The following ENOX2 variants were observed in gnomAD, a reference collection of about 807,000 sequenced individuals.
The protein encoded by ENOX2 is ecto-NOX disulfide-thiol exchanger 2.
ENOX2 carries 36 observed loss-of-function variants against 45.0 expected under a neutral mutation model. The observed-to-expected ratio is 0.80, with a 90% confidence interval of 0.61 to 1.06. The LOEUF is 1.06. Among genes scored for constraint, ENOX2 ranks in the 50% least tolerant of loss-of-function variants. The pLI, the probability that ENOX2 is intolerant of heterozygous loss-of-function variation, is 0.00. For synonymous variants in ENOX2, 174 were observed against 152.3 expected (o/e 1.14, Z -1.05); for missense variants, 423 against 462.5 (o/e 0.91, Z 0.78).
rs755894800 is a variant in ENOX2 at position 130,665,663 on chromosome X, C to T, written c.994G>A (p.Val332Met). The T allele has an allele frequency of 1.0e-5, 12 of 1,199,573 alleles. No individual in the cohort carries two copies. The highest frequency in any genetic ancestry group is 9.0e-5 in the South Asian group (5 of 55,307). ...CCAACCTCAGCTTGTTTGCACCACA[C>T]GCTGATGTTCTTCCGCTGGGCTTTT... ...FTKAQRKNIS[V>M]WCKQAEEIRN... The change falls in exon 9 of 15, where the codon GTG becomes ATG. Residue 332 changes from valine to methionine, a missense_variant. By Grantham distance (21) the Val-to-Met change is conservative. Coordinates refer to ENST00000394363, the MANE Select transcript of ENOX2 (RefSeq NM_006375.4).
At chrX:130,864,742 G>A (rs960165414) in intron 2 of ENOX2, among the ~76,000 whole-genome samples, 9 of 112,157 alleles carry the variant, frequency 8.0e-5, no homozygotes, top group Non-Finnish European at 1.1e-4. Flanking sequence ...GGCTGGGCAT[G>A]GTAGCTCACA....
At chrX:130,632,819 G>C (rs1464127139) in intron 12 of ENOX2, among the ~76,000 whole-genome samples, 1 of 111,870 alleles carries the variant, frequency 8.9e-6, no homozygotes, top group Non-Finnish European at 1.9e-5. Context: ...CTCAATCTTT[G>C]GCCTTTAGAA....
chrX:130,656,047 T>C (rs779629687), intron 10 of ENOX2, among the ~76,000 whole-genome samples: 33 of 112,206 alleles, frequency 2.9e-4, no homozygotes, highest in East Asian at 2.0e-3. Context: ...AACTCAGGTG[T>C]TTCAACTTTA....
chrX:130,837,012 A>G (rs1349365965), intron 2 of ENOX2, among the ~76,000 whole-genome samples: 3 of 111,907 alleles, frequency 2.7e-5, no homozygotes, highest in Non-Finnish European at 5.6e-5. Context: ...GAATGAATAG[A>G]TAACTGACAT....
At chrX:130,837,777 C>A (rs1312190297) in intron 2 of ENOX2, among the ~76,000 whole-genome samples, 1 of 111,594 alleles carries the variant, frequency 9.0e-6, no homozygotes, top group Non-Finnish European at 1.9e-5. Context: ...CATAGGATTG[C>A]AATTAAACAA....
intron 5 of ENOX2, among the ~76,000 whole-genome samples, chrX:130,683,631 A>G (rs2037370751): frequency 9.0e-6 from 1 of 111,284 alleles, no homozygotes; most frequent in South Asian, 3.9e-4. Flanking sequence ...TCTCCATAGA[A>G]GGTCTAATCG....
At chrX:130,850,873 C>A (rs2078193791) in intron 2 of ENOX2, among the ~76,000 whole-genome samples, 3 of 105,527 alleles carry the variant, frequency 2.8e-5, no homozygotes, top group African/African-American at 9.8e-5. Context: ...TTTCCTTTTT[C>A]CCCCCAAACT....
intron 10 of ENOX2, among the ~76,000 whole-genome samples, chrX:130,649,953 A>G (rs2036356192): frequency 8.9e-6 from 1 of 112,628 alleles, no homozygotes; most frequent in South Asian, 3.7e-4. Context: ...CAGCATCTTG[A>G]GCTGGAGTTT....
intron 2 of ENOX2, among the ~76,000 whole-genome samples, chrX:130,870,841 C>A (rs776734468): frequency 4.9e-5 from 5 of 102,300 alleles, no homozygotes; most frequent in Admixed American, 3.3e-4. Context: ...ATTGGGCTTG[C>A]CAGGTATAGA....
chrX:130,732,956 G>T (rs1003298035), intron 3 of ENOX2, among the ~76,000 whole-genome samples: 1 of 111,769 alleles, frequency 8.9e-6, no homozygotes, highest in Non-Finnish European at 1.9e-5. Flanking sequence ...CTTGACATTC[G>T]ACTAGGCAAT....
chrX:130,822,435 TAC>T (rs1463290370), intron 2 of ENOX2, among the ~76,000 whole-genome samples: 1 of 112,263 alleles, frequency 8.9e-6, no homozygotes, highest in East Asian at 2.8e-4. Context: ...TCACTTTCAA[TAC>T]AGTGTTCAAT....
At chrX:130,873,442 G>A (rs907893554) in intron 2 of ENOX2, among the ~76,000 whole-genome samples, 2 of 111,944 alleles carry the variant, frequency 1.8e-5, no homozygotes, top group Non-Finnish European at 3.8e-5. Flanking sequence ...TTACACTGCT[G>A]GTGGGAGTGT....
intron 3 of ENOX2, among the ~76,000 whole-genome samples, chrX:130,758,070 G>A (rs747594500): frequency 1.8e-5 from 2 of 111,869 alleles, no homozygotes; most frequent in East Asian, 5.6e-4. Context: ...CAAAGTGCTG[G>A]GATTATAGGC....
intron 2 of ENOX2, among the ~76,000 whole-genome samples, chrX:130,842,436 C>T (rs966953807): frequency 9.0e-6 from 1 of 111,694 alleles, no homozygotes; most frequent in African/African-American, 3.3e-5. Context: ...CCCTATCCAT[C>T]CTTAAACGAA....
chrX:130,711,436 C>T (rs1358620768), intron 3 of ENOX2, among the ~76,000 whole-genome samples: 2 of 110,392 alleles, frequency 1.8e-5, no homozygotes, highest in Non-Finnish European at 3.8e-5. Flanking sequence ...TTTTGTAATA[C>T]AAGGCTCCCA....
Position 130,774,916 on chromosome X carries a change from A to C in ENOX2, c.-39+8631T>G, listed in dbSNP as rs763063312. 8.0e-5 allele frequency among the ~76,000 whole-genome samples: 9 copies of C among 112,316 alleles called. 1 individual carries two copies. In the South Asian group the frequency reaches 2.9e-3, roughly 37 times the overall value. Reference sequence around the variant, plus strand: ...AAATCCTAAGGAAAAGACTTTGAAAAATCAAAATCATGCTAATCTTAAACA... The same window carrying C: ...AAATCCTAAGGAAAAGACTTTGAAACATCAAAATCATGCTAATCTTAAACA... On this transcript the variant is annotated intron_variant, in intron 3 of 14. Coordinates refer to ENST00000394363, the MANE Select transcript of ENOX2 (RefSeq NM_006375.4).
chrX:130,670,199 C>G lies in ENOX2; in HGVS notation c.461-1G>C. The G allele has an allele frequency of 8.4e-7, 1 of 1,183,517 alleles. No homozygotes were observed. The highest frequency in any genetic ancestry group is 1.1e-6 in the Non-Finnish European group (1 of 871,111). On this transcript the variant is annotated splice_acceptor_variant, in intron 6 of 14. Coordinates refer to ENST00000394363, the MANE Select transcript of ENOX2 (RefSeq NM_006375.4). LOFTEE classifies it high-confidence loss of function. Reference sequence around the variant, plus strand: ...CTAGAGCCCAGGCGAATGCGGTAACCTAAGTCCACAGGAGGGTGAAAGGGA... The same window carrying G: ...CTAGAGCCCAGGCGAATGCGGTAACGTAAGTCCACAGGAGGGTGAAAGGGA...
intron 9 of ENOX2, among the ~76,000 whole-genome samples, chrX:130,659,446 A>T (rs2036629367): frequency 8.9e-6 from 1 of 112,072 alleles, no homozygotes; most frequent in Non-Finnish European, 1.9e-5. Context: ...CTTGCTTGAG[A>T]AAAATGAACT....
Position 130,659,266 on chromosome X carries a change from A to C in ENOX2, c.1015-2571T>G, listed in dbSNP as rs1324584291. ...TTTATTCATTTTATCAGGAAAAATAATGATTTCTATCTCAAGTTAAGTTTT... is the reference window on the plus strand; with the variant it reads ...TTTATTCATTTTATCAGGAAAAATACTGATTTCTATCTCAAGTTAAGTTTT... On this transcript the variant is annotated intron_variant, in intron 9 of 14. Coordinates refer to ENST00000394363, the MANE Select transcript of ENOX2 (RefSeq NM_006375.4). 8.0e-5 allele frequency among the ~76,000 whole-genome samples: 9 copies of C among 112,521 alleles called. No homozygotes were observed. The East Asian group carries it at 2.5e-3, about 31-fold the overall frequency.
Sources: gnomAD v4.1 joint callset for allele counts (sites outside exome capture counted in the v4.1 genomes callset) on GRCh38, gnomAD v4.1.1 for gene constraint, MANE v1.5 for transcripts, NCBI Gene and HGNC (gene_info 2026-07-23, HGNC 2026-07-21) for gene names.